Variants in TARBP1 observed in about 807,000 individuals in gnomAD.
TARBP1 encodes the protein tRNA (guanosine(18)-2'-O)-methyltransferase TARBP1.
A neutral mutation model predicts 178.6 loss-of-function variants in TARBP1; 144 were observed. The observed-to-expected ratio is 0.81, with a 90% CI of 0.70 to 0.93. The LOEUF is 0.93. TARBP1 is among the 40% of genes least tolerant of loss of function. The pLI, the probability that TARBP1 is intolerant of heterozygous loss-of-function variation, is 0.00. For missense variants in TARBP1, 2,067 were observed against 2,011.7 expected (o/e 1.03, Z -0.53); for synonymous variants, 787 against 781.0 (o/e 1.01, Z -0.13).
At chr1:234,400,304 C>T (rs887024435) in intron 25 of TARBP1, 3 of 152,076 alleles carry the variant, frequency 2.0e-5, no homozygotes, top group African/African-American at 2.4e-5. Context: ...AGAAAGATGC[C>T]GGACAAAGCA....
chr1:234,410,307 G>A, intron 23 of TARBP1, 138 bp downstream of exon 23: 1 of 553,372 alleles, frequency 1.8e-6, no homozygotes, highest in East Asian at 3.2e-5. Flanking sequence ...TCTAATACAT[G>A]TGCACATTAG....
At chr1:234,430,925 GA>G (rs1422717193) in intron 14 of TARBP1, among the ~76,000 whole-genome samples, 65 of 152,272 alleles carry the variant, frequency 4.3e-4, no homozygotes, top group African/African-American at 1.5e-3. Flanking sequence ...GACAGTAACA[GA>G]ATCTACTTCA....
chr1:234,420,344 C>G (rs1347584884), intron 21 of TARBP1, among the ~76,000 whole-genome samples: 2 of 152,172 alleles, frequency 1.3e-5, no homozygotes, highest in Admixed American at 6.5e-5. Context: ...TAATCCAAAA[C>G]AGTGTAACAC....
intron 20 of TARBP1, among the ~76,000 whole-genome samples, chr1:234,423,163 C>G (rs191289388): frequency 6.6e-6 from 1 of 152,234 alleles, no homozygotes; most frequent in Non-Finnish European, 1.5e-5. Context: ...TTTTCCAAAG[C>G]AGCTGCACTG....
chr1:234,445,743 G>A (rs982272476), intron 12 of TARBP1, among the ~76,000 whole-genome samples: 5 of 152,176 alleles, frequency 3.3e-5, no homozygotes, highest in Non-Finnish European at 7.4e-5. Context: ...CACTAAACAG[G>A]TAAATTCGTT....
At chr1:234,411,927 T>A (rs1407775871) in intron 22 of TARBP1, among the ~76,000 whole-genome samples, 7 of 152,138 alleles carry the variant, frequency 4.6e-5, no homozygotes, top group Non-Finnish European at 8.8e-5. Flanking sequence ...TATTATTATT[T>A]AATTCCTTTA....
chr1:234,478,181 T>C lies in TARBP1; in HGVS notation c.923A>G (p.Glu308Gly). 6.2e-7 allele frequency: 1 copy of C among 1,611,836 alleles called. No individual in the cohort carries two copies. The highest frequency in any genetic ancestry group is 1.7e-4 in the Middle Eastern group (1 of 5,998). ...GGCAAAGAGGCAGGTACCGTTTCCT[T>C]CCTGGGGCCCGCAGGTGCAGTCGGC... ...LGADCTCGPQ[E>G]GNGPSLFWWS... is the part of the protein sequence containing the mutation. The change falls in exon 1 of 30, where the codon GAA becomes GGA. Residue 308 changes from glutamate to glycine, a missense_variant. Transcript: ENST00000040877.
At chr1:234,467,276 A>G (rs1668541086) in intron 4 of TARBP1, among the ~76,000 whole-genome samples, 3 of 152,222 alleles carry the variant, frequency 2.0e-5, no homozygotes, top group Admixed American at 2.0e-4. Flanking sequence ...CTGAATATCG[A>G]TAATATACAA....
chr1:234,433,377 G>A (rs1664675156), intron 14 of TARBP1, 33 bp downstream of exon 14: 3 of 1,602,946 alleles, frequency 1.9e-6, no homozygotes, highest in Non-Finnish European at 2.6e-6. Flanking sequence ...CCTTATTCAA[G>A]ATAACTACAA....
chr1:234,476,036 C>T (rs897566468), intron 1 of TARBP1, among the ~76,000 whole-genome samples: 2 of 152,044 alleles, frequency 1.3e-5, no homozygotes, highest in Admixed American at 6.5e-5. Context: ...TAAAAAAAAG[C>T]GACTCCATAG....
intron 3 of TARBP1, among the ~76,000 whole-genome samples, chr1:234,469,585 A>C (rs968155658): frequency 1.3e-5 from 2 of 152,248 alleles, no homozygotes; most frequent in African/African-American, 4.8e-5. Context: ...TCAATTCCTA[A>C]GGGGTCAAAC....
intron 1 of TARBP1, among the ~76,000 whole-genome samples, chr1:234,475,889 T>C (rs901229869): frequency 2.6e-5 from 4 of 152,162 alleles, no homozygotes; most frequent in Non-Finnish European, 5.9e-5. Context: ...GTTTGTAAAG[T>C]GCACTGAAAA....
In TARBP1 at chr1:234,411,663, T is replaced by C. The variant is rs112410628; in HGVS notation, c.3706-1132A>G. ...TTAAAAAGCTATAGCGAAAAACCTA[T>C]AGAAGACTTAATCAGCTATCTTAGG... is the stretch of plus-strand genomic sequence containing the variant. On this transcript the variant is annotated intron_variant, in intron 22 of 29. Coordinates refer to ENST00000040877, the MANE Select transcript of TARBP1 (RefSeq NM_005646.4). 2.6e-3 allele frequency among the ~76,000 whole-genome samples: 400 copies of C among 152,262 alleles called. 3 individuals are homozygous for C. The highest frequency in any genetic ancestry group is 9.2e-3 in the African/African-American group (384 of 41,532).
intron 25 of TARBP1, among the ~76,000 whole-genome samples, chr1:234,400,030 G>C: frequency 8.8e-6 from 1 of 114,130 alleles, no homozygotes; most frequent in East Asian, 2.6e-4. Context: ...AAAACTTAAA[G>C]TATAATAATA....
intron 12 of TARBP1, among the ~76,000 whole-genome samples, chr1:234,438,813 C>T (rs1665297845): frequency 6.6e-6 from 1 of 152,138 alleles, no homozygotes; most frequent in South Asian, 2.1e-4. Flanking sequence ...TAAAAGGATA[C>T]ATCCAAAGAA....
At chr1:234,400,743 T>G (rs1360022149) in intron 25 of TARBP1, 2 of 152,810 alleles carry the variant, frequency 1.3e-5, no homozygotes. Context: ...AGGTGATGTA[T>G]CATCTCCTAT....
Position 234,478,543 on chromosome 1 carries a change from C to T in TARBP1, c.561G>A (p.Ala187=). The change falls in exon 1 of 30, where the codon GCG becomes GCA. Residue 187 remains alanine (A), a synonymous_variant. Coordinates refer to ENST00000040877, the MANE Select transcript of TARBP1 (RefSeq NM_005646.4). The stretch of plus-strand genomic sequence containing the variant: ...GCAGTCGCCCGGCCACCAGCGCCGC[C>T]GCGTCCTCGGCAGGCCCGGCCTCAT... ...DGDEAGPAED[A]AALVAGRLLP... The T allele has an allele frequency of 7.3e-7, 1 of 1,360,558 alleles. No individual in the cohort carries two copies. Among genetic ancestry groups the T allele is most frequent in the South Asian group, 1.6e-5 (1 of 63,808 alleles). The allele number at this position is 1,360,558 out of a possible 1,614,324, so 84.3% of individuals were successfully genotyped here.
At chr1:234,466,956 T>A (rs16843250) in intron 4 of TARBP1, among the ~76,000 whole-genome samples, 12,730 of 152,282 alleles carry the variant, frequency 0.084, 923 homozygotes, top group East Asian at 0.27. Context: ...AAGGAAGTCA[T>A]CATGGGACTC....
In TARBP1 at chr1:234,460,302, TG is replaced by T; in HGVS notation, c.1493del (p.Pro498GlnfsTer8). On this transcript the variant is annotated frameshift_variant, in exon 7 of 30. Coordinates refer to ENST00000040877, the MANE Select transcript of TARBP1 (RefSeq NM_005646.4). LOFTEE classifies it high-confidence loss of function. ...CATCTATACCCAGGGCCTTATGTCT[TG>T]GGACATTTGCCAAAGCCTTAGATAG... Reference protein sequence around the residue: ...LFLSKALANVPRHKALGIDGL... With the variant: ...LFLSKALANVXRHKALGIDGL... 1 of 1,614,206 alleles carries T rather than the reference TG, an allele frequency of 6.2e-7. No individual in the cohort carries two copies. The highest frequency in any genetic ancestry group is 2.2e-5 in the East Asian group (1 of 44,874).
Sources: allele counts gnomAD v4.1 joint callset (sites outside exome capture counted in the v4.1 genomes callset), GRCh38; gene constraint gnomAD v4.1.1; transcripts MANE v1.5; gene names NCBI Gene and HGNC (gene_info 2026-07-23, HGNC 2026-07-21).